The following HTR1F variants were observed in gnomAD, a reference collection of about 807,000 sequenced individuals.
HTR1F encodes the protein 5-hydroxytryptamine receptor 1F, also known as 5-hydroxytryptamine (serotonin) receptor 1F, G protein-coupled.
HTR1F carries 17 observed loss-of-function variants against 24.0 expected under a neutral mutation model. The ratio of observed to expected loss-of-function variants is 0.71; its 90% confidence interval spans 0.48 to 1.06. The LOEUF is 1.06. Ranked by LOEUF, HTR1F falls within the 50% of genes least tolerant of loss-of-function variation. The probability of loss-of-function intolerance (pLI) is 0.00; values close to 1 mark genes in which losing one functional copy is unlikely to be tolerated. For missense variants in HTR1F, 391 were observed against 427.8 expected (o/e 0.91, Z 0.76); for synonymous variants, 186 against 156.8 (o/e 1.19, Z -1.39).
chr3:87,923,540 AG>A (rs1285364333), intron 2 of HTR1F, among the ~76,000 whole-genome samples: 1 of 151,768 alleles, frequency 6.6e-6, no homozygotes, highest in African/African-American at 2.4e-5. Context: ...CTAGCTTGTT[AG>A]TGGTTTCTAG....
intron 2 of HTR1F, among the ~76,000 whole-genome samples, chr3:87,856,125 T>G (rs576427743): frequency 1.1e-4 from 17 of 152,222 alleles, no homozygotes; most frequent in African/African-American, 3.1e-4. Flanking sequence ...TATTATAATA[T>G]ATTGTTACAA....
At chr3:87,894,300 AGGCTGGAGTGCGGT>A (rs1490545382) in intron 2 of HTR1F, among the ~76,000 whole-genome samples, 2 of 152,140 alleles carry the variant, frequency 1.3e-5, no homozygotes, top group East Asian at 1.9e-4. Flanking sequence ...TCTGTCATCC[AGGCTGGAGTGCGGT>A]GGCACGATCA....
chr3:87,891,403 T>G (rs1706083711), intron 2 of HTR1F, among the ~76,000 whole-genome samples: 1 of 152,204 alleles, frequency 6.6e-6, no homozygotes, highest in Non-Finnish European at 1.5e-5. Flanking sequence ...ATGAACCTCA[T>G]TAATTCAATT....
intron 2 of HTR1F, among the ~76,000 whole-genome samples, chr3:87,931,590 T>C (rs1480250380): frequency 6.6e-6 from 1 of 152,172 alleles, no homozygotes; most frequent in Non-Finnish European, 1.5e-5. Context: ...GATCAAATGG[T>C]ATATCTAGTT....
chr3:87,813,396 A>G (rs1704193163), intron 1 of HTR1F, among the ~76,000 whole-genome samples: 1 of 152,250 alleles, frequency 6.6e-6, no homozygotes, highest in African/African-American at 2.4e-5. Context: ...CATTTATCCA[A>G]TGCCTGTATC....
At chr3:87,855,395 A>G (rs1705176809) in intron 2 of HTR1F, among the ~76,000 whole-genome samples, 1 of 152,004 alleles carries the variant, frequency 6.6e-6, no homozygotes. Context: ...CTTTGTTCAG[A>G]TCTTTATCCC....
chr3:87,968,899 G>A (rs1162978310), intron 2 of HTR1F, among the ~76,000 whole-genome samples: 1 of 152,208 alleles, frequency 6.6e-6, no homozygotes, highest in Non-Finnish European at 1.5e-5. Flanking sequence ...GCAGCCTGGG[G>A]ACTTGGTACT....
chr3:87,800,525 C>T (rs1167071737), intron 1 of HTR1F, among the ~76,000 whole-genome samples: 1 of 152,202 alleles, frequency 6.6e-6, no homozygotes, highest in African/African-American at 2.4e-5. Context: ...ATCCATAGTG[C>T]ATTCACCATG....
intron 2 of HTR1F, among the ~76,000 whole-genome samples, chr3:87,925,089 C>T (rs1293112490): frequency 1.3e-5 from 2 of 150,432 alleles, no homozygotes; most frequent in East Asian, 3.9e-4. Context: ...ATGATTTCTT[C>T]AGCTGTAATC....
intron 2 of HTR1F, among the ~76,000 whole-genome samples, chr3:87,839,765 C>T (rs1704761110): frequency 1.3e-5 from 2 of 151,980 alleles, no homozygotes; most frequent in Non-Finnish European, 2.9e-5. Context: ...TCAACTCTCC[C>T]CCATCTTGTA....
At chr3:87,934,547 T>G (rs772603294) in intron 2 of HTR1F, among the ~76,000 whole-genome samples, 5 of 152,196 alleles carry the variant, frequency 3.3e-5, no homozygotes, top group Non-Finnish European at 5.9e-5. Context: ...ATGACTATTC[T>G]AAGGTGCTAT....
At chr3:87,922,198 G>GT in intron 2 of HTR1F, among the ~76,000 whole-genome samples, 1 of 151,752 alleles carries the variant, frequency 6.6e-6, no homozygotes, top group African/African-American at 2.4e-5. Context: ...TGTTATTTTT[G>GT]TTTTTTGTAT....
At chr3:87,883,291 C>A (rs1489158145) in intron 2 of HTR1F, among the ~76,000 whole-genome samples, 7 of 152,158 alleles carry the variant, frequency 4.6e-5, no homozygotes, top group Admixed American at 2.0e-4. Flanking sequence ...ACAAAAAGGA[C>A]ACCCACACTA....
At chr3:87,907,595 C>A (rs554565652) in intron 2 of HTR1F, among the ~76,000 whole-genome samples, 4 of 151,936 alleles carry the variant, frequency 2.6e-5, no homozygotes, top group Non-Finnish European at 5.9e-5. Context: ...CCACCATAGT[C>A]CCCATTTATC....
At chr3:87,978,665 C>T (rs770614247) in intron 2 of HTR1F, among the ~76,000 whole-genome samples, 1 of 151,888 alleles carries the variant, frequency 6.6e-6, no homozygotes, top group Non-Finnish European at 1.5e-5. Flanking sequence ...TTTCCCCAGG[C>T]AGGTCATCCC....
chr3:87,885,448 C>T (rs1160722383), intron 2 of HTR1F, among the ~76,000 whole-genome samples: 1 of 151,968 alleles, frequency 6.6e-6, no homozygotes, highest in East Asian at 1.9e-4. Flanking sequence ...GAAGCAACAG[C>T]AAACAAATTC....
At chr3:87,921,061 T>C (rs1220638451) in intron 2 of HTR1F, among the ~76,000 whole-genome samples, 1 of 151,958 alleles carries the variant, frequency 6.6e-6, no homozygotes, top group Admixed American at 6.6e-5. Flanking sequence ...TGAGTCAGTG[T>C]TTCATTATAA....
intron 2 of HTR1F, among the ~76,000 whole-genome samples, chr3:87,972,069 G>A (rs544596787): frequency 2.0e-5 from 3 of 152,014 alleles, no homozygotes; most frequent in Non-Finnish European, 2.9e-5. Context: ...TTTTTCATTC[G>A]TTCATTCATT....
At chr3:87,924,797 T>C (rs1357431318) in intron 2 of HTR1F, among the ~76,000 whole-genome samples, 2 of 152,108 alleles carry the variant, frequency 1.3e-5, no homozygotes, top group South Asian at 2.1e-4. Context: ...TTTCTAGAAT[T>C]CTCTCTTTTG....
Sources: allele counts gnomAD v4.1 joint callset (sites outside exome capture counted in the v4.1 genomes callset), GRCh38; gene constraint gnomAD v4.1.1; transcripts MANE v1.5; gene names NCBI Gene and HGNC (gene_info 2026-07-23, HGNC 2026-07-21).